SPAG16: variants seen among roughly 807,000 people sequenced by gnomAD.
SPAG16 encodes sperm-associated antigen 16 protein.
A neutral mutation model predicts 80.4 loss-of-function variants in SPAG16; 86 were observed. The observed-to-expected ratio is 1.07, with a 90% CI of 0.90 to 1.28. The LOEUF is 1.28. SPAG16 is among the 50% of genes most tolerant of loss of function. SPAG16 has a pLI of 0.00. For synonymous variants in SPAG16, 294 were observed against 265.9 expected, an observed-to-expected ratio of 1.11 and a Z score of -1.03; for missense variants, 870 against 765.3, an observed-to-expected ratio of 1.14 and a Z score of -1.61.
intron 9 of SPAG16, among the ~76,000 whole-genome samples, chr2:213,416,805 C>T (rs2069284224): frequency 6.6e-6 from 1 of 152,130 alleles, no homozygotes; most frequent in South Asian, 2.1e-4. Flanking sequence ...ATCTTAAAGA[C>T]AGGGGGCACA....
chr2:214,033,399 A>G (rs1290320081), intron 13 of SPAG16, among the ~76,000 whole-genome samples: 1 of 152,192 alleles, frequency 6.6e-6, no homozygotes, highest in African/African-American at 2.4e-5. Context: ...AAGTGGCATG[A>G]TCTGATTATA....
intron 15 of SPAG16, among the ~76,000 whole-genome samples, chr2:214,403,449 A>C (rs1330327499): frequency 4.0e-5 from 6 of 151,628 alleles, no homozygotes; most frequent in Non-Finnish European, 8.8e-5. Context: ...CAAGTAATCA[A>C]TATGAAAATG....
chr2:213,965,259 G>A (rs1020997783), intron 12 of SPAG16, among the ~76,000 whole-genome samples: 1 of 152,164 alleles, frequency 6.6e-6, no homozygotes, highest in African/African-American at 2.4e-5. Context: ...GTCTTTTACT[G>A]TGGACTCAGA....
At chr2:213,428,242 G>A (rs2070068287) in intron 9 of SPAG16, among the ~76,000 whole-genome samples, 1 of 152,114 alleles carries the variant, frequency 6.6e-6, no homozygotes, top group Non-Finnish European at 1.5e-5. Flanking sequence ...ATAGGAGAGG[G>A]AGAAAAAGTA....
chr2:213,479,468 G>C (rs563250283), intron 9 of SPAG16, among the ~76,000 whole-genome samples: 2 of 152,010 alleles, frequency 1.3e-5, no homozygotes, highest in South Asian at 2.1e-4. Context: ...TTGTTTGTGT[G>C]TGTGTGTGTG....
At chr2:213,340,117 G>A (rs200611637) in intron 5 of SPAG16, 46 bp from the exon 6 acceptor site, 52 of 1,324,344 alleles carry the variant, frequency 3.9e-5, no homozygotes, top group East Asian at 2.1e-4. Flanking sequence ...ATAATTTTTC[G>A]AAAAAGAATT....
chr2:214,373,553 T>C (rs1699939949), intron 15 of SPAG16, among the ~76,000 whole-genome samples: 1 of 152,168 alleles, frequency 6.6e-6, no homozygotes, highest in Admixed American at 6.6e-5. Flanking sequence ...AATTTATTAA[T>C]TATCCATGTA....
At chr2:213,599,978 G>A (rs899785840) in intron 10 of SPAG16, among the ~76,000 whole-genome samples, 14 of 152,262 alleles carry the variant, frequency 9.2e-5, no homozygotes, top group Admixed American at 6.5e-4. Flanking sequence ...GAGCCGCTGC[G>A]CCTGGCCTAT....
chr2:213,358,086 C>A (rs1013259696), intron 7 of SPAG16, among the ~76,000 whole-genome samples: 1 of 152,092 alleles, frequency 6.6e-6, no homozygotes, highest in African/African-American at 2.4e-5. Context: ...ATATTGGCCC[C>A]CACTCTCTTC....
At chr2:214,405,674 A>G (rs1029781868) in intron 15 of SPAG16, among the ~76,000 whole-genome samples, 1 of 152,052 alleles carries the variant, frequency 6.6e-6, no homozygotes, top group African/African-American at 2.4e-5. Context: ...GCAGGCATCT[A>G]TAATCCCAGC....
chr2:213,384,468 T>G (rs1292243406), intron 9 of SPAG16, among the ~76,000 whole-genome samples: 1 of 152,094 alleles, frequency 6.6e-6, no homozygotes, highest in Non-Finnish European at 1.5e-5. Flanking sequence ...GCCTCAAATC[T>G]AAGATGGTGG....
chr2:214,231,321 G>A (rs1379881387), intron 15 of SPAG16, among the ~76,000 whole-genome samples: 1 of 151,974 alleles, frequency 6.6e-6, no homozygotes, highest in Non-Finnish European at 1.5e-5. Flanking sequence ...TGTTTTAAAT[G>A]CATGTCTATT....
At chr2:213,828,251 G>A (rs1346506016) in intron 10 of SPAG16, among the ~76,000 whole-genome samples, 2 of 151,864 alleles carry the variant, frequency 1.3e-5, no homozygotes, top group African/African-American at 2.4e-5. Flanking sequence ...TTTTCAAATA[G>A]CCTGTCTTTA....
intron 9 of SPAG16, among the ~76,000 whole-genome samples, chr2:213,391,804 T>C (rs571825016): frequency 6.6e-6 from 1 of 152,346 alleles, no homozygotes; most frequent in South Asian, 2.1e-4. Flanking sequence ...CATTTTATTA[T>C]GCAATGGCAT....
chr2:213,757,039 C>A (rs2068378993), intron 10 of SPAG16, among the ~76,000 whole-genome samples: 1 of 152,070 alleles, frequency 6.6e-6, no homozygotes, highest in African/African-American at 2.4e-5. Context: ...AGCAAAGTTG[C>A]AGGACACAAA....
chr2:214,074,124 A>G (rs2050943873), intron 13 of SPAG16, among the ~76,000 whole-genome samples: 1 of 152,188 alleles, frequency 6.6e-6, no homozygotes, highest in South Asian at 2.1e-4. Context: ...CTATGTGAGA[A>G]TAAAATGAGA....
At chr2:213,982,158 C>T (rs546729558) in intron 12 of SPAG16, among the ~76,000 whole-genome samples, 9 of 149,058 alleles carry the variant, frequency 6.0e-5, no homozygotes, top group East Asian at 1.9e-4. Context: ...ATTCAATTTG[C>T]GACAATTTAA....
chr2:214,266,277 C>T (rs1483746944), intron 15 of SPAG16, among the ~76,000 whole-genome samples: 1 of 151,894 alleles, frequency 6.6e-6, no homozygotes, highest in East Asian at 1.9e-4. Context: ...TTAAGTCCAA[C>T]TGAATCTAGA....
At chr2:213,792,576 C>CTTTTTT (rs11372174) in intron 10 of SPAG16, among the ~76,000 whole-genome samples, 18 of 78,252 alleles carry the variant, frequency 2.3e-4, no homozygotes, top group South Asian at 5.5e-4. Flanking sequence ...AAATGAGTAT[C>CTTTTTT]TTTTTTTTTT....
Sources: allele counts gnomAD v4.1 joint callset (sites outside exome capture counted in the v4.1 genomes callset), GRCh38; gene constraint gnomAD v4.1.1; transcripts MANE v1.5; gene names NCBI Gene and HGNC (gene_info 2026-07-23, HGNC 2026-07-21).